The following COG4 variants were observed in gnomAD, a reference collection of about 807,000 sequenced individuals.
The protein encoded by COG4 is conserved oligomeric Golgi complex subunit 4.
COG4 carries 65 observed loss-of-function variants against 95.1 expected under a neutral mutation model. That is an observed-to-expected ratio of 0.68 (90% confidence interval 0.56 to 0.84). The LOEUF is 0.84. COG4 is among the 40% of genes least tolerant of loss of function. The probability of loss-of-function intolerance (pLI) is 0.00; values close to 1 mark genes in which losing one functional copy is unlikely to be tolerated. For synonymous variants in COG4, 421 were observed against 374.8 expected (o/e 1.12, Z -1.42); for missense variants, 1,045 against 989.1 (o/e 1.06, Z -0.76).
chr16:70,498,069 A>T lies in COG4; in HGVS notation c.1196-14T>A. On this transcript the variant is annotated splice_polypyrimidine_tract_variant and intron_variant, in intron 9 of 18. Coordinates refer to ENST00000323786, the MANE Select transcript of COG4 (RefSeq NM_015386.3). Reference sequence around the variant, plus strand: ...ACTTCTGGTGCTCTAGGGGACAGCCAAGAAAGGAATACTCATTTTTTTTCC... The same window carrying T: ...ACTTCTGGTGCTCTAGGGGACAGCCTAGAAAGGAATACTCATTTTTTTTCC... 1 of 1,540,284 alleles carries T rather than the reference A, an allele frequency of 6.5e-7. No homozygotes were observed. Among genetic ancestry groups the T allele is most frequent in the Non-Finnish European group, 9.0e-7 (1 of 1,112,736 alleles).
intron 1 of COG4, among the ~76,000 whole-genome samples, chr16:70,520,453 C>T (rs1026310833): frequency 7.0e-5 from 10 of 142,902 alleles, no homozygotes; most frequent in Non-Finnish European, 1.4e-4. Flanking sequence ...AGTGAGACTC[C>T]GTCTCAAAAA....
At chr16:70,490,234 C>G (rs1026472985) in intron 13 of COG4, 96 bp downstream of exon 13, 132 of 1,041,152 alleles carry the variant, frequency 1.3e-4, no homozygotes, top group Non-Finnish European at 1.9e-4. Context: ...CTCAATGTCA[C>G]CAAGATAAGT....
chr16:70,483,757 C>T (rs2049063295), intron 14 of COG4, 96 bp downstream of exon 14: 4 of 963,694 alleles, frequency 4.2e-6, no homozygotes, highest in Non-Finnish European at 6.8e-6. Flanking sequence ...CCTCACCCGT[C>T]CTCCTGGCTT....
At chr16:70,495,242 A>G (rs555694347) in intron 12 of COG4, among the ~76,000 whole-genome samples, 8 of 151,826 alleles carry the variant, frequency 5.3e-5, no homozygotes, top group Admixed American at 5.3e-4. Flanking sequence ...AAAAAAAAAA[A>G]AAAAATTAGC....
intron 8 of COG4, among the ~76,000 whole-genome samples, chr16:70,504,855 G>A (rs1332667077): frequency 6.7e-6 from 1 of 149,646 alleles, no homozygotes; most frequent in Non-Finnish European, 1.5e-5. Flanking sequence ...AGGTTGCAGT[G>A]AGCTGAGATC....
At chr16:70,486,934 G>A (rs1310562596) in intron 13 of COG4, among the ~76,000 whole-genome samples, 2 of 151,032 alleles carry the variant, frequency 1.3e-5, no homozygotes, top group African/African-American at 4.9e-5. Context: ...GGTGGAGGTT[G>A]CAGTAAGCCG....
At chr16:70,516,079 T>C (rs748962973) in intron 3 of COG4, 1 of 455,910 alleles carries the variant, frequency 2.2e-6, no homozygotes, top group Non-Finnish European at 4.4e-6. Context: ...AAATGTTTTC[T>C]TCTGAGTCTA....
intron 13 of COG4, among the ~76,000 whole-genome samples, chr16:70,485,637 G>A (rs1272649360): frequency 6.7e-6 from 1 of 149,148 alleles, no homozygotes; most frequent in Non-Finnish European, 1.5e-5. Flanking sequence ...CCAGGCTGGA[G>A]TGCAACGACA....
Position 70,508,386 on chromosome 16 carries a change from G to A in COG4, c.1061+20C>T. On this transcript the variant is annotated intron_variant, in intron 8 of 18. Transcript: ENST00000323786. ...CCAATTCAAACTCCTGTGGGCTGAA[G>A]AAGAGAGAAGGATTATTACCTTGGT... The A allele has an allele frequency of 6.2e-7, 1 of 1,606,220 alleles. No homozygotes were observed. Among genetic ancestry groups the A allele is most frequent in the Non-Finnish European group, 8.5e-7 (1 of 1,172,804 alleles).
chr16:70,489,525 G>T (rs1416006982), intron 13 of COG4, among the ~76,000 whole-genome samples: 2 of 143,432 alleles, frequency 1.4e-5, no homozygotes, highest in African/African-American at 5.4e-5. Flanking sequence ...CCTTGATCCT[G>T]ATTTAAAAAA....
intron 9 of COG4, among the ~76,000 whole-genome samples, chr16:70,498,950 C>T (rs563207416): frequency 5.3e-5 from 8 of 152,266 alleles, no homozygotes; most frequent in African/African-American, 1.7e-4. Context: ...TGTGGTGGCT[C>T]ACACCTGTAA....
intron 5 of COG4, 113 bp from the exon 6 acceptor site, chr16:70,510,134 T>C: frequency 1.2e-6 from 1 of 848,022 alleles, no homozygotes; most frequent in Non-Finnish European, 1.9e-6. Flanking sequence ...ACATTTCCCT[T>C]GATGTCTGGA....
chr16:70,502,812 C>T (rs1597674367), intron 8 of COG4, among the ~76,000 whole-genome samples: 2 of 152,140 alleles, frequency 1.3e-5, no homozygotes, highest in South Asian at 4.1e-4. Flanking sequence ...GCAATCAAGA[C>T]TATGTGGTAC....
At chr16:70,506,557 C>T (rs2049571634) in intron 8 of COG4, among the ~76,000 whole-genome samples, 1 of 137,642 alleles carries the variant, frequency 7.3e-6, no homozygotes, top group Admixed American at 8.2e-5. Flanking sequence ...CACCATGCCA[C>T]TGCACTCCAG....
Position 70,509,332 on chromosome 16 carries a change from C to G in COG4, c.901G>C (p.Gly301Arg). ...TATTTGATCAGGGTATAGAGTCTCC[C>G]TGGCCCATAATAGGTCTCCACTATT... is the stretch of plus-strand genomic sequence containing the variant. Reference protein sequence around the residue: ...QPIVETYYGPGRLYTLIKYLQ... With the variant: ...QPIVETYYGPRRLYTLIKYLQ... Residue 301 changes from glycine to arginine, a missense_variant, in exon 7 of 19, where the codon GGG (glycine) becomes CGG (arginine). Transcript: ENST00000323786. 2 of 1,614,202 alleles carry G rather than the reference C, an allele frequency of 1.2e-6. No homozygotes were observed. The highest frequency in any genetic ancestry group is 1.3e-5 in the African/African-American group (1 of 75,048).
intron 16 of COG4, 27 bp downstream of exon 16, chr16:70,482,065 A>C: frequency 6.3e-7 from 1 of 1,587,158 alleles, no homozygotes. Flanking sequence ...GTAATTCCCT[A>C]AGTGGATCCC....
rs143578462 is a variant in COG4 at position 70,481,830 on chromosome 16, G to A, written c.2040C>T (p.Thr680=). The change falls in exon 17 of 19, where the codon ACC becomes ACT. Residue 680 remains threonine, a synonymous_variant. Transcript: ENST00000323786. ...SLSPVIYDSL[T]GLMTSLVAVE... The stretch of plus-strand genomic sequence containing the variant: ...CGGCAACAAGGCTAGTCATGAGGCC[G>A]GTTAGGCTGTCGTAGATGACCGGGG... 2.2e-5 allele frequency: 35 copies of A among 1,614,008 alleles called. No homozygotes were observed. The highest frequency in any genetic ancestry group is 1.8e-4 in the South Asian group (16 of 91,050).
Position 70,499,835 on chromosome 16 carries a change from T to C in COG4, c.1195+1123A>G, listed in dbSNP as rs561738956. 1.1e-3 allele frequency among the ~76,000 whole-genome samples: 168 copies of C among 152,220 alleles called. 1 individual carries two copies. The highest frequency in any genetic ancestry group is 3.4e-3 in the Middle Eastern group (1 of 294). ...CCACCACGCCCGGCTAATTTTTTTGTATTTTTAGTAGAGACGGAGTTTCAC... is the reference window on the plus strand; with the variant it reads ...CCACCACGCCCGGCTAATTTTTTTGCATTTTTAGTAGAGACGGAGTTTCAC... On this transcript the variant is annotated intron_variant, in intron 9 of 18. Coordinates refer to ENST00000323786, the MANE Select transcript of COG4 (RefSeq NM_015386.3).
intron 1 of COG4, among the ~76,000 whole-genome samples, chr16:70,520,518 G>A (rs2049919428): frequency 6.6e-6 from 1 of 151,808 alleles, no homozygotes; most frequent in Non-Finnish European, 1.5e-5. Flanking sequence ...TGTAATCCCA[G>A]CTACACAGGA....
Sources: allele counts gnomAD v4.1 joint callset (sites outside exome capture counted in the v4.1 genomes callset), GRCh38; gene constraint gnomAD v4.1.1; transcripts MANE v1.5; gene names NCBI Gene and HGNC (gene_info 2026-07-23, HGNC 2026-07-21).